The following PLIN1 variants were observed in gnomAD, a reference collection of about 807,000 sequenced individuals.
The protein encoded by PLIN1 is perilipin 1, also known as perilipin-1.
A neutral mutation model predicts 45.8 loss-of-function variants in PLIN1; 37 were observed. The observed-to-expected ratio is 0.81, with a 90% CI of 0.62 to 1.06. The LOEUF (loss-of-function observed/expected upper bound fraction) is 1.06, where lower values mean the gene tolerates loss of function less well. Ranked by LOEUF, PLIN1 falls within the 50% of genes least tolerant of loss-of-function variation. The pLI is 0.00. For missense variants in PLIN1, 776 were observed against 716.5 expected, an observed-to-expected ratio of 1.08 and a Z score of -0.95; for synonymous variants, 340 against 309.2, an observed-to-expected ratio of 1.10 and a Z score of -1.05.
intron 3 of PLIN1, among the ~76,000 whole-genome samples, chr15:89,672,496 C>A (rs1470803220): frequency 6.6e-6 from 1 of 152,258 alleles, no homozygotes; most frequent in Non-Finnish European, 1.5e-5. Flanking sequence ...CCTGGGCCTA[C>A]TTCACATCGG....
chr15:89,670,349 C>A, intron 4 of PLIN1, 105 bp from the exon 5 acceptor site: 1 of 1,187,924 alleles, frequency 8.4e-7, no homozygotes. Flanking sequence ...GAAGGCATCA[C>A]CTAAAGGCCC....
intron 3 of PLIN1, among the ~76,000 whole-genome samples, 164 bp from the exon 4 acceptor site, chr15:89,671,728 G>A (rs1457092826): frequency 6.6e-6 from 1 of 151,870 alleles, no homozygotes; most frequent in African/African-American, 2.4e-5. Context: ...GCCCTTGTCT[G>A]CAGGGACTCC....
rs1275152275 is a variant in PLIN1 at position 89,665,864 on chromosome 15, C to T, written c.1288G>A (p.Glu430Lys). 3.3e-6 allele frequency: 5 copies of T among 1,502,526 alleles called. No homozygotes were observed. The highest frequency in any genetic ancestry group is 2.1e-5 in the Admixed American group (1 of 48,034). 93.1% of individuals were successfully genotyped at this position (1,502,526 alleles called of 1,614,324 possible). A position where few individuals can be genotyped will look rare whatever the true frequency, so the allele number is the denominator to read the frequency against. The stretch of plus-strand genomic sequence containing the variant: ...GCCCCAGACGCTCTGCGCTCCGCCT[C>T]CCGGCGCTCGACCTCGGCTGGTGGG... ...DNPPAEVERR[E>K]AERRASGAPS... is the part of the protein sequence containing the mutation. The change falls in exon 9 of 9, where the codon GAG becomes AAG. Residue 430 changes from glutamate (E) to lysine (K), a missense_variant. Physicochemically the swap from Glu to Lys is moderately conservative, Grantham distance 56. Transcript: ENST00000300055.
Position 89,664,595 on chromosome 15 carries a change from C to T in PLIN1, c.*988G>A. On this transcript the variant is annotated 3_prime_UTR_variant, in exon 9 of 9. Transcript: ENST00000300055. Reference sequence around the variant, plus strand: ...GTGAAAAAAGCAGGCATGCGTAACACCCCACAGCTTGTGTAAACACAAGCG... The same window carrying T: ...GTGAAAAAAGCAGGCATGCGTAACATCCCACAGCTTGTGTAAACACAAGCG... The T allele has an allele frequency of 3.4e-6, 1 of 290,640 alleles. No individual in the cohort carries two copies. Among genetic ancestry groups the T allele is most frequent in the South Asian group, 3.1e-5 (1 of 32,684 alleles). The allele number at this position is 290,640 out of a possible 1,614,324, so 18.0% of individuals were successfully genotyped here.
At chr15:89,668,023 C>T (rs1488910023) in intron 6 of PLIN1, among the ~76,000 whole-genome samples, 1 of 152,208 alleles carries the variant, frequency 6.6e-6, no homozygotes, top group Non-Finnish European at 1.5e-5. Flanking sequence ...CCTGTGTAAC[C>T]ACCACAGATC....
intron 2 of PLIN1, among the ~76,000 whole-genome samples, chr15:89,674,646 CCT>C (rs899703168): frequency 5.3e-5 from 8 of 152,296 alleles, no homozygotes; most frequent in East Asian, 1.9e-4. Flanking sequence ...CCTCCACCCC[CCT>C]GTTCCACACT....
rs1447827827 is a variant in PLIN1, at chr15:89,664,374, T to A, written c.*1209A>T. On this transcript the variant is annotated 3_prime_UTR_variant, in exon 9 of 9. Transcript: ENST00000300055. ...ACACATGTACACTAGACATTTTTGA[T>A]AAGGACATTTATTATAGCATCGTTT... 3 of 142,778 alleles carry A rather than the reference T, an allele frequency of 2.1e-5. No homozygotes were observed. The highest frequency in any genetic ancestry group is 7.7e-5 in the African/African-American group (3 of 38,956). 8.8% of individuals were successfully genotyped at this position (142,778 alleles called of 1,614,324 possible). A position where few individuals can be genotyped will look rare whatever the true frequency, so the allele number is the denominator to read the frequency against.
At chr15:89,678,980 G>A (rs1013986548) in intron 1 of PLIN1, among the ~76,000 whole-genome samples, 1 of 151,846 alleles carries the variant, frequency 6.6e-6, no homozygotes. Flanking sequence ...CATGTAGCTG[G>A]GACTACAGGC....
Position 89,665,541 on chromosome 15 carries a change from G to C in PLIN1, c.*42C>G, listed in dbSNP as rs1964318297. ...CAGTGCGGGTTCTGTTTATTTGTTAGAGAAACCCGCCGGCCCGGGGCGCGG... is the reference window on the plus strand; with the variant it reads ...CAGTGCGGGTTCTGTTTATTTGTTACAGAAACCCGCCGGCCCGGGGCGCGG... On this transcript the variant is annotated 3_prime_UTR_variant, in exon 9 of 9. Transcript: ENST00000300055. 1.3e-6 allele frequency: 2 copies of C among 1,518,922 alleles called. No individual in the cohort carries two copies. The highest frequency in any genetic ancestry group is 5.1e-5 in the East Asian group (2 of 39,258). The allele number at this position is 1,518,922 out of a possible 1,614,324, so 94.1% of individuals were successfully genotyped here.
chr15:89,677,592 GC>G, intron 1 of PLIN1, 89 bp from the exon 2 acceptor site: 1 of 1,079,298 alleles, frequency 9.3e-7, no homozygotes, highest in Non-Finnish European at 1.4e-6. Context: ...CACCAACTAG[GC>G]CCAGGCTGCC....
intron 1 of PLIN1, 52 bp from the exon 2 acceptor site, chr15:89,677,555 C>T (rs1964537746): frequency 1.4e-6 from 2 of 1,478,072 alleles, no homozygotes; most frequent in Non-Finnish European, 1.9e-6. Flanking sequence ...TTGAGCTCCA[C>T]TGGGTCACTT....
rs1434838757 is a variant in PLIN1, at chr15:89,665,619, G to T, written c.1533C>A (p.Gly511=). 6.6e-7 allele frequency: 1 copy of T among 1,520,590 alleles called. No homozygotes were observed. 94.2% of individuals were successfully genotyped at this position (1,520,590 alleles called of 1,614,324 possible). A position where few individuals can be genotyped will look rare whatever the true frequency, so the allele number is the denominator to read the frequency against. The change falls in exon 9 of 9, where the codon GGC becomes GGA. Residue 511 remains glycine, a synonymous_variant. Transcript: ENST00000300055. ...FRPSVMEPIL[G]RTHYSQLRKK... ...TGCGCAGCTGGCTGTAATGCGTGCG[G>T]CCCAGGATGGGCTCCATGACGCTGG...
At chr15:89,675,981 C>T (rs997089567) in intron 2 of PLIN1, among the ~76,000 whole-genome samples, 9 of 151,888 alleles carry the variant, frequency 5.9e-5, no homozygotes, top group South Asian at 2.1e-4. Context: ...ATAAAGGGTA[C>T]GTGGGGCTTC....
intron 2 of PLIN1, chr15:89,676,673 C>T (rs948339780): frequency 6.6e-6 from 1 of 152,050 alleles, no homozygotes; most frequent in Non-Finnish European, 1.5e-5. Context: ...TACACAAAAC[C>T]GAAGGAGGAA....
rs184077011 is a variant in PLIN1, at chr15:89,678,338, C to T, written c.-14-835G>A. On this transcript the variant is annotated intron_variant, in intron 1 of 8. Transcript: ENST00000300055. ...CAGCCTGGGCAACATGGTGAAACTCCGTCTCTGCTAAAAATACAAAAATTA... is the reference window on the plus strand; with the variant it reads ...CAGCCTGGGCAACATGGTGAAACTCTGTCTCTGCTAAAAATACAAAAATTA... Among the ~76,000 whole-genome samples, 42 of 151,726 alleles carry T rather than the reference C, an allele frequency of 2.8e-4. No homozygotes were observed. In the East Asian group the frequency reaches 6.8e-3, roughly 24 times the overall value.
rs1964309264 is a variant in PLIN1 at position 89,665,040 on chromosome 15, C to T, written c.*543G>A. Reference sequence around the variant, plus strand: ...TTAAATAAACACCCAAGAGCTTTTGCATCTGATTGTTCCCTTCAAAGTAGC... The same window carrying T: ...TTAAATAAACACCCAAGAGCTTTTGTATCTGATTGTTCCCTTCAAAGTAGC... On this transcript the variant is annotated 3_prime_UTR_variant, in exon 9 of 9. Coordinates refer to ENST00000300055, the MANE Select transcript of PLIN1 (RefSeq NM_002666.5). The T allele has an allele frequency of 1.9e-5, 8 of 421,012 alleles. No individual in the cohort carries two copies. The highest frequency in any genetic ancestry group is 1.4e-4 in the South Asian group (8 of 57,790). The allele number at this position is 421,012 out of a possible 1,614,324, so 26.1% of individuals were successfully genotyped here. A position where few individuals can be genotyped will look rare whatever the true frequency, so the allele number is the denominator to read the frequency against.
In PLIN1 at chr15:89,674,929, G is replaced by A. The variant is rs573818830; in HGVS notation, c.46-1515C>T. Among the ~76,000 whole-genome samples, 64 of 151,778 alleles carry A rather than the reference G, an allele frequency of 4.2e-4. 1 individual carries two copies. Among genetic ancestry groups the A allele is most frequent in the Middle Eastern group, 6.8e-3 (2 of 294 alleles). On this transcript the variant is annotated intron_variant, in intron 2 of 8. Transcript: ENST00000300055. ...AGCCTGGGCAACACAGGGAGACCCC[G>A]TCTCTACAAAAAAAAATAATAAATA...
chr15:89,667,813 G>C lies in PLIN1; in HGVS notation c.772-20C>G. ...GCTGCTCTGAGGGAGGATGGCAGCA[G>C]ATAGCTGGCTCAACTGCCCCTGCTG... is the stretch of plus-strand genomic sequence containing the variant. On this transcript the variant is annotated intron_variant, in intron 6 of 8. Coordinates refer to ENST00000300055, the MANE Select transcript of PLIN1 (RefSeq NM_002666.5). 6.5e-7 allele frequency: 1 copy of C among 1,548,350 alleles called. No individual in the cohort carries two copies. Among genetic ancestry groups the C allele is most frequent in the Non-Finnish European group, 8.7e-7 (1 of 1,147,526 alleles).
chr15:89,668,588 A>G (rs1179045937), intron 6 of PLIN1, among the ~76,000 whole-genome samples: 1 of 152,216 alleles, frequency 6.6e-6, no homozygotes, highest in East Asian at 1.9e-4. Context: ...GGCACATTCT[A>G]AACCTCTAGG....
Sources: gnomAD v4.1 joint callset for allele counts (sites outside exome capture counted in the v4.1 genomes callset) on GRCh38, gnomAD v4.1.1 for gene constraint, MANE v1.5 for transcripts, NCBI Gene and HGNC (gene_info 2026-07-23, HGNC 2026-07-21) for gene names.